The following CSMD1 variants were observed in gnomAD, a reference collection of about 807,000 sequenced individuals.
CSMD1 encodes the protein CUB and Sushi multiple domains 1, also known as CUB and sushi domain-containing protein 1.
Under a neutral mutation model 417.5 loss-of-function variants are expected in CSMD1, and 213 were observed. The observed-to-expected ratio is 0.51, with a 90% CI of 0.46 to 0.57. The LOEUF is 0.57. Ranked by LOEUF, CSMD1 falls within the 20% of genes least tolerant of loss-of-function variation. The probability of loss-of-function intolerance (pLI) is 0.00; values close to 1 mark genes in which losing one functional copy is unlikely to be tolerated. For synonymous variants in CSMD1, 2,862 were observed against 1,736.8 expected (o/e 1.65, Z -16.11); for missense variants, 6,923 against 4,529.7 (o/e 1.53, Z -15.17).
chr8:4,166,971 A>C (rs1181750278), intron 3 of CSMD1, among the ~76,000 whole-genome samples: 1 of 152,218 alleles, frequency 6.6e-6, no homozygotes, highest in East Asian at 1.9e-4. Flanking sequence ...TGCTGAAGGC[A>C]CTGTGCTTTC....
chr8:4,836,136 G>C (rs186175762), intron 1 of CSMD1, among the ~76,000 whole-genome samples: 3 of 152,112 alleles, frequency 2.0e-5, no homozygotes, highest in Admixed American at 2.0e-4. Context: ...TTGAAATATA[G>C]GTTTTATAAG....
At chr8:4,666,265 G>C (rs1487303194) in intron 1 of CSMD1, among the ~76,000 whole-genome samples, 1 of 152,174 alleles carries the variant, frequency 6.6e-6, no homozygotes, top group African/African-American at 2.4e-5. Context: ...TGGAATCACG[G>C]TTGCTAATAA....
At chr8:4,714,199 G>T (rs143983524) in intron 1 of CSMD1, among the ~76,000 whole-genome samples, 127 of 152,038 alleles carry the variant, frequency 8.4e-4, no homozygotes, top group Non-Finnish European at 1.4e-3. Flanking sequence ...CAAGCTCCAC[G>T]TCCACCGTGT....
At chr8:3,177,674 T>C (rs1056585084) in intron 37 of CSMD1, among the ~76,000 whole-genome samples, 4 of 152,024 alleles carry the variant, frequency 2.6e-5, no homozygotes, top group East Asian at 1.9e-4. Flanking sequence ...ATGGGGTAAA[T>C]AGAAACACTC....
chr8:3,006,719 T>C (rs1368727319), intron 52 of CSMD1, among the ~76,000 whole-genome samples: 8 of 151,620 alleles, frequency 5.3e-5, no homozygotes, highest in African/African-American at 7.3e-5. Flanking sequence ...TGGCTAGCCA[T>C]ATGTAGAAAG....
intron 1 of CSMD1, among the ~76,000 whole-genome samples, chr8:4,780,639 T>C (rs1338584313): frequency 6.6e-6 from 1 of 152,204 alleles, no homozygotes; most frequent in African/African-American, 2.4e-5. Context: ...TATTTAGTAG[T>C]GATTTGTGAG....
At chr8:3,243,590 C>A (rs111767766) in intron 26 of CSMD1, among the ~76,000 whole-genome samples, 22 of 152,058 alleles carry the variant, frequency 1.4e-4, no homozygotes, top group Middle Eastern at 3.4e-3. Context: ...AAGGCAGGAA[C>A]AGGCCATTTT....
intron 3 of CSMD1, among the ~76,000 whole-genome samples, chr8:4,100,497 A>G (rs116872468): frequency 0.012 from 1,874 of 152,290 alleles, 18 homozygotes; most frequent in Non-Finnish European, 0.02. Context: ...AGTCTCATCA[A>G]CTATAAAATG....
intron 26 of CSMD1, among the ~76,000 whole-genome samples, chr8:3,236,264 A>G (rs1004293044): frequency 6.6e-6 from 1 of 152,082 alleles, no homozygotes; most frequent in South Asian, 2.1e-4. Context: ...TTTAGAGCTA[A>G]TGTATATATC....
At chr8:4,445,988 C>G (rs575725450) in intron 2 of CSMD1, among the ~76,000 whole-genome samples, 1 of 152,118 alleles carries the variant, frequency 6.6e-6, no homozygotes, top group Non-Finnish European at 1.5e-5. Context: ...AATGTCAGTG[C>G]CTCTTCCCTG....
intron 7 of CSMD1, among the ~76,000 whole-genome samples, chr8:3,624,068 G>C (rs568260002): frequency 1.3e-5 from 2 of 151,972 alleles, no homozygotes; most frequent in Non-Finnish European, 2.9e-5. Flanking sequence ...GTAAACTAAA[G>C]AGACACTTTT....
intron 2 of CSMD1, among the ~76,000 whole-genome samples, chr8:4,503,432 A>G (rs1422157457): frequency 1.1e-4 from 17 of 152,184 alleles, no homozygotes; most frequent in Admixed American, 1.1e-3. Context: ...ATACATTTAT[A>G]TTCGCAATAT....
At chr8:4,862,519 G>T (rs1197278662) in intron 1 of CSMD1, among the ~76,000 whole-genome samples, 2 of 152,014 alleles carry the variant, frequency 1.3e-5, no homozygotes, top group African/African-American at 2.4e-5. Flanking sequence ...ATCGTGGTTT[G>T]GACGAAGAAG....
Position 4,794,783 on chromosome 8 carries a change from C to A in CSMD1, c.86-157225G>T, listed in dbSNP as rs552572366. On this transcript the variant is annotated intron_variant, in intron 1 of 69. Transcript: ENST00000635120. Reference sequence around the variant, plus strand: ...AATTCCATGCCCAAATTCGGGGACTCTGAAGTAGTTTGAATAGAAGCACTC... The same window carrying A: ...AATTCCATGCCCAAATTCGGGGACTATGAAGTAGTTTGAATAGAAGCACTC... Among the ~76,000 whole-genome samples the A allele has an allele frequency of 7.2e-5, 11 of 152,268 alleles. No individual in the cohort carries two copies. In the East Asian group the frequency reaches 1.9e-3, roughly 27 times the overall value.
intron 23 of CSMD1, among the ~76,000 whole-genome samples, chr8:3,326,050 G>A (rs1176740404): frequency 1.3e-5 from 2 of 152,128 alleles, no homozygotes; most frequent in East Asian, 1.9e-4. Context: ...GCGGTCACCC[G>A]GGTGATCACA....
chr8:3,459,985 C>A (rs1325435161), intron 12 of CSMD1, among the ~76,000 whole-genome samples: 1 of 152,186 alleles, frequency 6.6e-6, no homozygotes, highest in Non-Finnish European at 1.5e-5. Context: ...TCACATTTTG[C>A]ACATCTCTAA....
chr8:4,056,437 T>C (rs1484015801), intron 3 of CSMD1, among the ~76,000 whole-genome samples: 2 of 151,810 alleles, frequency 1.3e-5, no homozygotes, highest in Non-Finnish European at 2.9e-5. Context: ...CAAACTAACA[T>C]TAAAATTTAT....
intron 3 of CSMD1, among the ~76,000 whole-genome samples, chr8:4,292,115 C>G (rs1797403147): frequency 6.6e-6 from 1 of 152,124 alleles, no homozygotes; most frequent in Non-Finnish European, 1.5e-5. Context: ...AATGAAGACC[C>G]TGGCCATACC....
chr8:3,362,662 A>C (rs1271334544), intron 20 of CSMD1, among the ~76,000 whole-genome samples: 1 of 152,136 alleles, frequency 6.6e-6, no homozygotes, highest in Non-Finnish European at 1.5e-5. Context: ...TACATCCCTC[A>C]ATATCCCCAG....
Sources: gnomAD v4.1 joint callset for allele counts (sites outside exome capture counted in the v4.1 genomes callset) on GRCh38, gnomAD v4.1.1 for gene constraint, MANE v1.5 for transcripts, NCBI Gene and HGNC (gene_info 2026-07-23, HGNC 2026-07-21) for gene names.